FYB1: variants seen among roughly 807,000 people sequenced by gnomAD.
FYB1 encodes FYN-binding protein 1.
Under a neutral mutation model 94.1 loss-of-function variants are expected in FYB1, and 41 were observed. That is an observed-to-expected ratio of 0.44 (90% CI 0.34 to 0.57). The LOEUF is 0.57. Ranked by LOEUF, FYB1 falls within the 20% of genes least tolerant of loss-of-function variation. The pLI is 0.02. For missense variants in FYB1, 1,050 were observed against 976.8 expected (o/e 1.07, Z -1.00); for synonymous variants, 367 against 353.2 (o/e 1.04, Z -0.44).
chr5:39,249,071 AGT>A (rs1304311322), intron 1 of FYB1, among the ~76,000 whole-genome samples: 4 of 152,222 alleles, frequency 2.6e-5, no homozygotes, highest in Non-Finnish European at 4.4e-5. Context: ...GGCACTGGGC[AGT>A]GCAGACACAC....
Position 39,200,522 on chromosome 5 carries a change from C to T in FYB1, c.1135+1304G>A, listed in dbSNP as rs144224789. ...AGAAATAAGGGACCTTTTAGAAAGT[C>T]TCACAAAAATAATAGTTCTGAATTA... On this transcript the variant is annotated intron_variant, in intron 2 of 18. Transcript: ENST00000512982. Among the ~76,000 whole-genome samples the T allele has an allele frequency of 5.1e-3, 780 of 152,248 alleles. 7 individuals are homozygous for T. The highest frequency in any genetic ancestry group is 0.017 in the African/African-American group (695 of 41,536).
chr5:39,146,603 A>G (rs528933323), intron 3 of FYB1, among the ~76,000 whole-genome samples: 18 of 152,308 alleles, frequency 1.2e-4, no homozygotes, highest in Admixed American at 7.8e-4. Flanking sequence ...CAAAAAGACC[A>G]CCAGATTTAA....
chr5:39,227,378 T>A (rs907033926), intron 1 of FYB1, among the ~76,000 whole-genome samples: 3 of 152,230 alleles, frequency 2.0e-5, no homozygotes, highest in Non-Finnish European at 4.4e-5. Context: ...ATGGTTAAAC[T>A]AGAGAATGTT....
chr5:39,147,874 G>A (rs1286742403), intron 3 of FYB1, among the ~76,000 whole-genome samples: 1 of 150,476 alleles, frequency 6.6e-6, no homozygotes, highest in Non-Finnish European at 1.5e-5. Context: ...TAGAGACGGG[G>A]TTTCACCGTG....
chr5:39,176,158 TTTTTTTTTTA>T, intron 2 of FYB1, among the ~76,000 whole-genome samples: 1 of 128,312 alleles, frequency 7.8e-6, no homozygotes, highest in African/African-American at 3.2e-5. Context: ...TTTTTTTTTT[TTTTTTTTTTA>T]AAGACAGAGT....
intron 6 of FYB1, chr5:39,138,430 C>T: frequency 2.6e-6 from 1 of 382,100 alleles, no homozygotes; most frequent in South Asian, 5.0e-5. Flanking sequence ...ATCTCAGAGG[C>T]ATGTCTCTGG....
At chr5:39,162,904 TGTGA>T (rs999464283) in intron 2 of FYB1, among the ~76,000 whole-genome samples, 58 of 152,284 alleles carry the variant, frequency 3.8e-4, no homozygotes, top group African/African-American at 1.3e-3. Flanking sequence ...ATTTTATTTG[TGTGA>T]GTATGTCTTC....
chr5:39,176,148 T>C (rs1490633665), intron 2 of FYB1, among the ~76,000 whole-genome samples: 1 of 109,046 alleles, frequency 9.2e-6, no homozygotes, highest in East Asian at 1.0e-3. Context: ...TTTTTTTTTT[T>C]TTTTTTTTTT....
At chr5:39,193,634 G>A (rs757446874) in intron 2 of FYB1, among the ~76,000 whole-genome samples, 5 of 152,198 alleles carry the variant, frequency 3.3e-5, no homozygotes, top group Non-Finnish European at 7.3e-5. Context: ...CCAGGTTGGA[G>A]AAGCAAACTG....
chr5:39,245,602 C>CTTTTTT (rs200601347), intron 1 of FYB1, among the ~76,000 whole-genome samples: 6 of 140,934 alleles, frequency 4.3e-5, no homozygotes, highest in African/African-American at 1.3e-4. Flanking sequence ...GAGGAAGAGG[C>CTTTTTT]TTTTTTTTTT....
chr5:39,178,205 CT>C (rs1745907137), intron 2 of FYB1, among the ~76,000 whole-genome samples: 1 of 152,214 alleles, frequency 6.6e-6, no homozygotes, highest in South Asian at 2.1e-4. Context: ...GTGTTCATTA[CT>C]GTCTCAAAGA....
chr5:39,231,147 CAAAA>C (rs747268330), intron 1 of FYB1, among the ~76,000 whole-genome samples: 2 of 40,940 alleles, frequency 4.9e-5, no homozygotes, highest in African/African-American at 1.7e-4. Context: ...CAGCTCAGAG[CAAAA>C]AAAAAAAAAA....
chr5:39,171,025 C>T (rs768509238), intron 2 of FYB1, among the ~76,000 whole-genome samples: 2 of 152,148 alleles, frequency 1.3e-5, no homozygotes, highest in African/African-American at 2.4e-5. Context: ...CGGTGACTCA[C>T]ACCTGTAATC....
intron 1 of FYB1, among the ~76,000 whole-genome samples, chr5:39,268,440 T>A (rs1175172149): frequency 5.3e-5 from 8 of 152,136 alleles, no homozygotes; most frequent in Non-Finnish European, 4.4e-5. Flanking sequence ...TCTTGCTTTG[T>A]TGCCCCGGCT....
At chr5:39,197,137 A>T (rs916670758) in intron 2 of FYB1, among the ~76,000 whole-genome samples, 1 of 152,188 alleles carries the variant, frequency 6.6e-6, no homozygotes, top group African/African-American at 2.4e-5. Context: ...AATGTTTGTT[A>T]ATTTGAACAC....
At chr5:39,254,589 C>G (rs938868074) in intron 1 of FYB1, among the ~76,000 whole-genome samples, 2 of 152,130 alleles carry the variant, frequency 1.3e-5, no homozygotes, top group African/African-American at 2.4e-5. Context: ...TTGTTTTAAA[C>G]TGTGTAGTTA....
intron 5 of FYB1, chr5:39,138,994 T>C (rs1741908313): frequency 1.8e-6 from 1 of 551,212 alleles, no homozygotes; most frequent in Non-Finnish European, 3.2e-6. Flanking sequence ...TCTTGCTATA[T>C]AAATCAGACG....
intron 1 of FYB1, among the ~76,000 whole-genome samples, chr5:39,256,447 C>T (rs1250105298): frequency 6.6e-6 from 1 of 152,122 alleles, no homozygotes; most frequent in Non-Finnish European, 1.5e-5. Flanking sequence ...GGTTTTCATG[C>T]CGAATTAGCC....
intron 5 of FYB1, chr5:39,139,015 CTT>C: frequency 1.7e-6 from 1 of 571,810 alleles, no homozygotes. Context: ...TGTAGTCAGA[CTT>C]AAGTTTGTTC....
Sources: gnomAD v4.1 joint callset for allele counts (sites outside exome capture counted in the v4.1 genomes callset) on GRCh38, gnomAD v4.1.1 for gene constraint, MANE v1.5 for transcripts, NCBI Gene and HGNC (gene_info 2026-07-23, HGNC 2026-07-21) for gene names.